Variants in NCOR1 observed in about 807,000 individuals in gnomAD.
NCOR1 encodes the protein nuclear receptor corepressor 1.
NCOR1 carries 63 observed loss-of-function variants against 288.1 expected under a neutral mutation model. That is an observed-to-expected ratio of 0.22 (90% CI 0.18 to 0.27). The LOEUF (loss-of-function observed/expected upper bound fraction) is 0.27, where lower values mean the gene tolerates loss of function less well. Among genes scored for constraint, NCOR1 ranks in the 10% least tolerant of loss-of-function variants. NCOR1 has a pLI of 1.00. For synonymous variants in NCOR1, 1,007 were observed against 1,065.9 expected, an observed-to-expected ratio of 0.94 and a Z score of 1.08; for missense variants, 2,397 against 3,019.2, an observed-to-expected ratio of 0.79 and a Z score of 4.83.
intron 12 of NCOR1, among the ~76,000 whole-genome samples, chr17:16,138,422 T>C (rs958081289): frequency 2.6e-5 from 4 of 152,018 alleles, no homozygotes; most frequent in Admixed American, 6.6e-5. Flanking sequence ...CCATCTCTAC[T>C]AAAAATACAA....
At position 16,032,263 on chromosome 17, in the gene NCOR1, C is replaced by T; in HGVS notation, c.*33G>A. 6.4e-7 allele frequency: 1 copy of T among 1,560,960 alleles called. No homozygotes were observed. Among genetic ancestry groups the T allele is most frequent in the South Asian group, 1.2e-5 (1 of 80,630 alleles). Reference sequence around the variant, plus strand: ...TAAACCACAAAAACTAGAGATCCCTCTCCTGCACCCTGTTCCCCTCACTTT... The same window carrying T: ...TAAACCACAAAAACTAGAGATCCCTTTCCTGCACCCTGTTCCCCTCACTTT... On this transcript the variant is annotated 3_prime_UTR_variant, in exon 46 of 46. Transcript: ENST00000268712.
At chr17:16,151,847 C>T (rs2078913791) in intron 8 of NCOR1, 99 bp downstream of exon 8, 2 of 1,012,574 alleles carry the variant, frequency 2.0e-6, no homozygotes, top group Admixed American at 2.2e-5. Flanking sequence ...TAAAACATAC[C>T]TACAATATAT....
chr17:16,106,764 C>A (rs189952830), intron 19 of NCOR1, among the ~76,000 whole-genome samples: 9 of 147,798 alleles, frequency 6.1e-5, no homozygotes, highest in Admixed American at 4.1e-4. Flanking sequence ...AGAGAGCCTA[C>A]AATTCTACTG....
intron 7 of NCOR1, among the ~76,000 whole-genome samples, chr17:16,152,911 T>C (rs1366880617): frequency 6.6e-6 from 1 of 152,216 alleles, no homozygotes; most frequent in Non-Finnish European, 1.5e-5. Flanking sequence ...CCTGAGTAAC[T>C]GTTAATCCCA....
At chr17:16,038,435 CT>C (rs34997322) in intron 44 of NCOR1, among the ~76,000 whole-genome samples, 84,828 of 149,330 alleles carry the variant, frequency 0.57, 24,353 homozygotes, top group African/African-American at 0.63. Flanking sequence ...TTTTCCTACT[CT>C]TTTTTTTTTT....
Position 16,075,414 on chromosome 17 carries a change from G to C in NCOR1, c.3670+120C>G, listed in dbSNP as rs927891541. ...GTATTACTAACCCCATTTACTGAGAGAAAACATAGGCTCAGCAAAGATAAA... is the reference window on the plus strand; with the variant it reads ...GTATTACTAACCCCATTTACTGAGACAAAACATAGGCTCAGCAAAGATAAA... On this transcript the variant is annotated intron_variant, in intron 27 of 45. Coordinates refer to ENST00000268712, the MANE Select transcript of NCOR1 (RefSeq NM_006311.4). 33 of 1,123,790 alleles carry C rather than the reference G, an allele frequency of 2.9e-5. No homozygotes were observed. In the African/African-American group the frequency reaches 5.2e-4, roughly 18 times the overall value. 69.6% of individuals were successfully genotyped at this position (1,123,790 alleles called of 1,614,324 possible).
At chr17:16,055,616 C>T (rs75820651) in intron 40 of NCOR1, among the ~76,000 whole-genome samples, 1 of 152,132 alleles carries the variant, frequency 6.6e-6, no homozygotes, top group East Asian at 1.9e-4. Context: ...TTACAACAAA[C>T]CCCCACGACT....
chr17:16,202,242 A>AT (rs71353781), intron 1 of NCOR1, among the ~76,000 whole-genome samples: 7 of 148,598 alleles, frequency 4.7e-5, no homozygotes, highest in Non-Finnish European at 1.0e-4. Context: ...AAAAAAAAAA[A>AT]TACAAAAAAT....
chr17:16,101,834 C>A, intron 19 of NCOR1, 77 bp from the exon 20 acceptor site: 1 of 1,537,028 alleles, frequency 6.5e-7, no homozygotes, highest in Non-Finnish European at 8.8e-7. Flanking sequence ...GCATAAAAAT[C>A]TGATAATGAA....
chr17:16,044,688 T>A (rs575800273), intron 42 of NCOR1: 1 of 678,156 alleles, frequency 1.5e-6, no homozygotes, highest in East Asian at 3.0e-5. Context: ...GAGGTGACCA[T>A]CACGGAGGAT....
At chr17:16,108,973 T>C in intron 18 of NCOR1, 61 bp from the exon 19 acceptor site, 1 of 1,362,436 alleles carries the variant, frequency 7.3e-7, no homozygotes, top group Admixed American at 2.3e-5. Context: ...AATTCATTTC[T>C]GAAATAATGT....
At chr17:16,119,616 A>C in intron 16 of NCOR1, 131 bp from the exon 17 acceptor site, 1 of 548,384 alleles carries the variant, frequency 1.8e-6, no homozygotes, top group Non-Finnish European at 3.1e-6. Flanking sequence ...AAGAAACTGC[A>C]GAAATAGGAT....
At chr17:16,057,457 T>G in intron 40 of NCOR1, 57 bp downstream of exon 40, 1 of 1,502,658 alleles carries the variant, frequency 6.7e-7, no homozygotes, top group Non-Finnish European at 9.3e-7. Flanking sequence ...CCTGTAGATA[T>G]ATTCCATTTG....
chr17:16,139,269 A>G, intron 11 of NCOR1, 83 bp from the exon 12 acceptor site: 3 of 1,150,460 alleles, frequency 2.6e-6, no homozygotes, highest in Non-Finnish European at 1.2e-6. Flanking sequence ...CTTAATGTGC[A>G]CTAAAAAACC....
At chr17:16,149,048 G>C (rs933614657) in intron 9 of NCOR1, among the ~76,000 whole-genome samples, 2 of 151,906 alleles carry the variant, frequency 1.3e-5, no homozygotes, top group Admixed American at 6.6e-5. Context: ...ATTTGAAAAA[G>C]CTGAACCCTA....
chr17:16,164,508 T>A (rs1245562065), intron 5 of NCOR1, among the ~76,000 whole-genome samples: 8 of 152,100 alleles, frequency 5.3e-5, no homozygotes, highest in Admixed American at 5.2e-4. Context: ...GACTATTTCA[T>A]ATCCAACTGA....
chr17:16,174,308 T>C (rs2083675578), intron 3 of NCOR1, among the ~76,000 whole-genome samples: 1 of 152,234 alleles, frequency 6.6e-6, no homozygotes, highest in Admixed American at 6.5e-5. Flanking sequence ...AAAGCTATTA[T>C]AATCAAAAGA....
chr17:16,051,254 A>G (rs980292901), intron 40 of NCOR1, among the ~76,000 whole-genome samples: 3 of 152,124 alleles, frequency 2.0e-5, no homozygotes, highest in African/African-American at 2.4e-5. Flanking sequence ...TCTCTTTCCT[A>G]TGCAACCCTC....
At chr17:16,085,751 G>A (rs1331413030) in intron 23 of NCOR1, among the ~76,000 whole-genome samples, 1 of 152,216 alleles carries the variant, frequency 6.6e-6, no homozygotes, top group Non-Finnish European at 1.5e-5. Flanking sequence ...ACTTTCTGAA[G>A]TGATGGAAGT....
Sources: allele counts gnomAD v4.1 joint callset (sites outside exome capture counted in the v4.1 genomes callset), GRCh38; gene constraint gnomAD v4.1.1; transcripts MANE v1.5; gene names NCBI Gene and HGNC (gene_info 2026-07-23, HGNC 2026-07-21).